TBC1D16: variants seen among roughly 807,000 people sequenced by gnomAD.
The protein encoded by TBC1D16 is CTD-2529O21.1.
TBC1D16 carries 58 observed loss-of-function variants against 74.7 expected under a neutral mutation model. That is an observed-to-expected ratio of 0.78 (90% CI 0.63 to 0.97). The LOEUF is 0.97. Among genes scored for constraint, TBC1D16 ranks in the 50% least tolerant of loss-of-function variants. The pLI, the probability that TBC1D16 is intolerant of heterozygous loss-of-function variation, is 0.00. For missense variants in TBC1D16, 1,014 were observed against 1,079.5 expected (o/e 0.94, Z 0.85); for synonymous variants, 493 against 474.7 (o/e 1.04, Z -0.50).
chr17:79,958,789 T>C (rs964124816), intron 3 of TBC1D16, among the ~76,000 whole-genome samples: 1 of 152,214 alleles, frequency 6.6e-6, no homozygotes, highest in African/African-American at 2.4e-5. Flanking sequence ...GTTAGCGTCA[T>C]ACTGAATGGT....
chr17:79,950,663 C>CCT lies in TBC1D16; in HGVS notation c.1090-87_1090-86dup, dbSNP rs1213643804. 1.3e-6 allele frequency: 2 copies of CCT among 1,559,554 alleles called. No individual in the cohort carries two copies. The highest frequency in any genetic ancestry group is 1.2e-5 in the South Asian group (1 of 85,110). ...GCAGTGCTTTTCCCAGGAATAAAAG[C>CCT]CTCTCTCTCTTCTGAAAGGAGGGCA... On this transcript the variant is annotated intron_variant, in intron 5 of 11. Transcript: ENST00000310924. This position sits in a 1 kb window ranked among gnomAD's most constrained non-coding sequence, Gnocchi z 4.6.
In TBC1D16 at chr17:79,935,950, C is replaced by T. The variant is rs77872521; in HGVS notation, c.*4909G>A. Reference sequence around the variant, plus strand: ...GAACTTGAAATGCTACCTTCCTACCCGGAAATGCGACACACTATACTTAAA... The same window carrying T: ...GAACTTGAAATGCTACCTTCCTACCTGGAAATGCGACACACTATACTTAAA... On this transcript the variant is annotated 3_prime_UTR_variant, in exon 12 of 12. Transcript: ENST00000310924. The T allele has an allele frequency of 1.3e-5, 2 of 152,160 alleles. No homozygotes were observed. The highest frequency in any genetic ancestry group is 2.9e-5 in the Non-Finnish European group (2 of 68,020). 9.4% of individuals were successfully genotyped at this position (152,160 alleles called of 1,614,324 possible). A position where few individuals can be genotyped will look rare whatever the true frequency, so the allele number is the denominator to read the frequency against.
Position 80,001,789 on chromosome 17 carries a change from C to G in TBC1D16, c.779+8371G>C, listed in dbSNP as rs1048154309. Among the ~76,000 whole-genome samples the G allele has an allele frequency of 2.4e-4, 36 of 151,784 alleles. No homozygotes were observed. The highest frequency in any genetic ancestry group is 8.7e-4 in the African/African-American group (36 of 41,302). On this transcript the variant is annotated intron_variant, in intron 3 of 11. Coordinates refer to ENST00000310924, the MANE Select transcript of TBC1D16 (RefSeq NM_019020.4). The surrounding 1 kb of genome is among the most constrained non-coding windows in gnomAD (Gnocchi z 5.8). ...GCACGGCCCACCCTCCCCACTCACC[C>G]CTTGCCCCCTTCCCTGCTGTCTCTT...
In TBC1D16 at chr17:80,010,047, G is replaced by A; in HGVS notation, c.779+113C>T. On this transcript the variant is annotated intron_variant, in intron 3 of 11. Transcript: ENST00000310924. This position sits in a 1 kb window ranked among gnomAD's most constrained non-coding sequence, Gnocchi z 8.8. ...CACGGCCACAGCCGCGGGCAGGTCG[G>A]GCAGATGCCTCCAGCGCTCACCTGG... is the stretch of plus-strand genomic sequence containing the variant. 1 of 939,510 alleles carries A rather than the reference G, an allele frequency of 1.1e-6. No individual in the cohort carries two copies. Among genetic ancestry groups the A allele is most frequent in the South Asian group, 1.7e-5 (1 of 57,860 alleles). The allele number at this position is 939,510 out of a possible 1,614,324, so 58.2% of individuals were successfully genotyped here. A position where few individuals can be genotyped will look rare whatever the true frequency, so the allele number is the denominator to read the frequency against.
In TBC1D16 at chr17:79,935,951, G is replaced by A. The variant is rs1267996497; in HGVS notation, c.*4908C>T. 7.9e-5 allele frequency: 12 copies of A among 152,124 alleles called. No individual in the cohort carries two copies. Among genetic ancestry groups the A allele is most frequent in the African/African-American group, 2.7e-4 (11 of 41,420 alleles). The allele number at this position is 152,124 out of a possible 1,614,324, so 9.4% of individuals were successfully genotyped here. Reference sequence around the variant, plus strand: ...AACTTGAAATGCTACCTTCCTACCCGGAAATGCGACACACTATACTTAAAA... The same window carrying A: ...AACTTGAAATGCTACCTTCCTACCCAGAAATGCGACACACTATACTTAAAA... On this transcript the variant is annotated 3_prime_UTR_variant, in exon 12 of 12. Transcript: ENST00000310924.
At chr17:79,952,589 A>AAAGCCCAGGCTGCC (rs1319408927) in intron 4 of TBC1D16, 68 bp downstream of exon 4, 1 of 1,529,460 alleles carries the variant, frequency 6.5e-7, no homozygotes, top group Non-Finnish European at 8.8e-7. Flanking sequence ...CACCGGCTGC[A>AAAGCCCAGGCTGCC]AAGCCCAGGC....
chr17:80,002,182 C>A (rs1270968311), intron 3 of TBC1D16, among the ~76,000 whole-genome samples: 1 of 152,216 alleles, frequency 6.6e-6, no homozygotes, highest in African/African-American at 2.4e-5. Context: ...GCCCACCAAG[C>A]GCACTGGCTC....
rs1201459734 is a variant in TBC1D16 at position 79,952,616 on chromosome 17, C to G, written c.941+41G>C. On this transcript the variant is annotated intron_variant, in intron 4 of 11. Transcript: ENST00000310924. ...AGCCCAGGCTGCCAGGGAAAACACA[C>G]ACAGGCCAACTCCCAGGAGGCGCCC... 3.2e-6 allele frequency: 5 copies of G among 1,552,938 alleles called. No homozygotes were observed. In the South Asian group the frequency reaches 4.8e-5, roughly 15 times the overall value.
Position 79,986,216 on chromosome 17 carries a change from A to G in TBC1D16, c.779+23944T>C, listed in dbSNP as rs995714284. Among the ~76,000 whole-genome samples, 10 of 152,220 alleles carry G rather than the reference A, an allele frequency of 6.6e-5. No individual in the cohort carries two copies. Among genetic ancestry groups the G allele is most frequent in the African/African-American group, 2.4e-4 (10 of 41,446 alleles). On this transcript the variant is annotated intron_variant, in intron 3 of 11. Coordinates refer to ENST00000310924, the MANE Select transcript of TBC1D16 (RefSeq NM_019020.4). This position sits in a 1 kb window ranked among gnomAD's most constrained non-coding sequence, Gnocchi z 6.0. The stretch of plus-strand genomic sequence containing the variant: ...GGAGGGAGGGCAGGAGGCGGCAAGC[A>G]TGGGTGCTGGGTCCACCTCACCCAC...
At chr17:79,949,616 G>T in intron 7 of TBC1D16, 101 bp downstream of exon 7, 1 of 1,428,368 alleles carries the variant, frequency 7.0e-7, no homozygotes, top group Non-Finnish European at 9.5e-7. Flanking sequence ...TATGGGTCAC[G>T]AAACATATTA....
rs535493430 is a variant in TBC1D16, at chr17:80,004,148, C to T, written c.779+6012G>A. ...AAATTCAGTTGCACTTGCGCCATTTCAAGGGTTCAAGAGCTGCATGAAGCC... is the reference window on the plus strand; with the variant it reads ...AAATTCAGTTGCACTTGCGCCATTTTAAGGGTTCAAGAGCTGCATGAAGCC... On this transcript the variant is annotated intron_variant, in intron 3 of 11. Coordinates refer to ENST00000310924, the MANE Select transcript of TBC1D16 (RefSeq NM_019020.4). Among the ~76,000 whole-genome samples the T allele has an allele frequency of 1.1e-4, 17 of 152,352 alleles. No homozygotes were observed. In the South Asian group the frequency reaches 2.1e-3, roughly 19 times the overall value.
intron 1 of TBC1D16, among the ~76,000 whole-genome samples, chr17:80,024,624 T>TAGACACACACACCACAC (rs1568648815): frequency 1.6e-5 from 2 of 123,492 alleles, no homozygotes; most frequent in African/African-American, 6.6e-5. Flanking sequence ...CCACACACCA[T>TAGACACACACACCACAC]AAGCACACAC....
At chr17:79,942,435 G>A (rs2032105436) in intron 10 of TBC1D16, among the ~76,000 whole-genome samples, 1 of 151,546 alleles carries the variant, frequency 6.6e-6, no homozygotes, top group Non-Finnish European at 1.5e-5. Flanking sequence ...CCAGGCTGCT[G>A]TGACATCCAG....
Position 79,950,279 on chromosome 17 carries a change from A to C in TBC1D16, c.1257+132T>G. ...TGTTCACAGAGAGCCTCACACAAGA[A>C]AACGGGGCCCTCACGAGGAGGTGGC... On this transcript the variant is annotated intron_variant, in intron 6 of 11. Transcript: ENST00000310924. This position sits in a 1 kb window ranked among gnomAD's most constrained non-coding sequence, Gnocchi z 4.6. 9.9e-7 allele frequency: 1 copy of C among 1,014,384 alleles called. No homozygotes were observed. Among genetic ancestry groups the C allele is most frequent in the Non-Finnish European group, 1.4e-6 (1 of 718,326 alleles). 62.8% of individuals were successfully genotyped at this position (1,014,384 alleles called of 1,614,324 possible).
At chr17:79,964,678 A>C (rs2033767785) in intron 3 of TBC1D16, among the ~76,000 whole-genome samples, 1 of 152,228 alleles carries the variant, frequency 6.6e-6, no homozygotes. Flanking sequence ...CTTGTAAAAA[A>C]TACCACCAAT....
intron 3 of TBC1D16, among the ~76,000 whole-genome samples, chr17:79,992,627 AC>A (rs1440785559): frequency 1.3e-5 from 2 of 152,080 alleles, no homozygotes; most frequent in African/African-American, 4.8e-5. Flanking sequence ...CACAGCGACC[AC>A]CCACCCGGTT....
intron 3 of TBC1D16, among the ~76,000 whole-genome samples, chr17:80,003,389 ACT>A (rs1287962095): frequency 1.3e-5 from 2 of 151,980 alleles, no homozygotes; most frequent in Non-Finnish European, 2.9e-5. Flanking sequence ...AGAACGAAAC[ACT>A]CACTTCCCCA....
In TBC1D16 at chr17:79,954,813, C is replaced by A. The variant is rs1432787966; in HGVS notation, c.780-1995G>T. On this transcript the variant is annotated intron_variant, in intron 3 of 11. Transcript: ENST00000310924. This position sits in a 1 kb window ranked among gnomAD's most constrained non-coding sequence, Gnocchi z 5.5. ...GGGTGGTATCCTTTCCCGCCTCCTCCCCCAGCCTTCTTACCACACCCAACA... is the reference window on the plus strand; with the variant it reads ...GGGTGGTATCCTTTCCCGCCTCCTCACCCAGCCTTCTTACCACACCCAACA... Among the ~76,000 whole-genome samples the A allele has an allele frequency of 3.3e-5, 5 of 152,204 alleles. No homozygotes were observed. The highest frequency in any genetic ancestry group is 2.1e-4 in the South Asian group (1 of 4,826).
chr17:80,028,099 G>A (rs555046402), intron 1 of TBC1D16, among the ~76,000 whole-genome samples: 8 of 151,862 alleles, frequency 5.3e-5, no homozygotes, highest in Middle Eastern at 3.4e-3. Context: ...TGCCATCTTC[G>A]TTAAGGTTCC....
Sources: allele counts gnomAD v4.1 joint callset (sites outside exome capture counted in the v4.1 genomes callset), GRCh38; gene constraint gnomAD v4.1.1; non-coding constraint Gnocchi (gnomAD v3.1); transcripts MANE v1.5; gene names NCBI Gene and HGNC (gene_info 2026-07-23, HGNC 2026-07-21).